PEG3: variants seen among roughly 807,000 people sequenced by gnomAD.
PEG3 encodes the protein paternally expressed 3.
Under a neutral mutation model 35.5 loss-of-function variants are expected in PEG3, and 23 were observed. The ratio of observed to expected loss-of-function variants is 0.65; its 90% CI spans 0.47 to 0.92. The LOEUF (loss-of-function observed/expected upper bound fraction) is 0.92. PEG3 is among the 40% of genes least tolerant of loss of function. The pLI, the probability that PEG3 is intolerant of heterozygous loss-of-function variation, is 0.00. For missense variants in PEG3, 1,960 were observed against 1,985.3 expected (o/e 0.99, Z 0.24); for synonymous variants, 707 against 697.0 (o/e 1.01, Z -0.23).
At chr19:56,823,738 C>T (rs2060736432) in intron 4 of PEG3, 59 bp from the exon 5 acceptor site, 1 of 1,587,686 alleles carries the variant, frequency 6.3e-7, no homozygotes, top group African/African-American at 1.3e-5. Context: ...CAATAGTTCC[C>T]CCCAATCCCT....
intron 2 of PEG3, among the ~76,000 whole-genome samples, chr19:56,829,022 A>G (rs1177226743): frequency 6.6e-6 from 1 of 152,192 alleles, no homozygotes; most frequent in Non-Finnish European, 1.5e-5. Flanking sequence ...AAATATAGCC[A>G]AGTAGATAAA....
Position 56,816,945 on chromosome 19 carries a change from C to T in PEG3, c.1497G>A (p.Gln499=), listed in dbSNP as rs780917304. ...TACATTCAAAACGTTTCCCTCCAACCTGACTTTTCTGAACTTCACTGACAG... is the reference window on the plus strand; with the variant it reads ...TACATTCAAAACGTTTCCCTCCAACTTGACTTTTCTGAACTTCACTGACAG... ...SVAVSEVQKS[Q]VGGKRFECKD... The change falls in exon 10 of 10, where the codon CAG becomes CAA. Residue 499 remains glutamine (Q), a synonymous_variant. Coordinates refer to ENST00000326441, the MANE Select transcript of PEG3 (RefSeq NM_006210.3). The T allele has an allele frequency of 3.1e-6, 5 of 1,614,056 alleles. No individual in the cohort carries two copies. The highest frequency in any genetic ancestry group is 4.2e-6 in the Non-Finnish European group (5 of 1,180,050).
At chr19:56,837,827 C>A (rs1055279652) in intron 1 of PEG3, among the ~76,000 whole-genome samples, 1 of 152,228 alleles carries the variant, frequency 6.6e-6, no homozygotes, top group Admixed American at 6.5e-5. Flanking sequence ...CCTCTGCTGC[C>A]CCCGCCACCG....
Position 56,814,148 on chromosome 19 carries a change from G to C in PEG3, c.4294C>G (p.Pro1432Ala). The change falls in exon 10 of 10, where the codon CCC becomes GCC. Residue 1432 changes from proline to alanine, a missense_variant. Transcript: ENST00000326441. The surrounding 1 kb of genome is among the most constrained non-coding windows in gnomAD (Gnocchi z 5.8). ...TTTGGCTGTCCAGCCTCTCCAATGG[G>C]CTCTGCAGCCTCTCCATCTGGCCCT... ...AEGPDGEAAE[P>A]IGEAGQPNGE... The C allele has an allele frequency of 6.2e-7, 1 of 1,614,152 alleles. No individual in the cohort carries two copies. Among genetic ancestry groups the C allele is most frequent in the Non-Finnish European group, 8.5e-7 (1 of 1,180,038 alleles).
At chr19:56,829,297 T>C (rs2061357538) in intron 2 of PEG3, among the ~76,000 whole-genome samples, 1 of 139,626 alleles carries the variant, frequency 7.2e-6, no homozygotes, top group Non-Finnish European at 1.5e-5. Context: ...TGAGCCAAAA[T>C]CGCACCACTG....
chr19:56,822,148 T>C (rs899248420), intron 6 of PEG3, among the ~76,000 whole-genome samples: 7 of 152,226 alleles, frequency 4.6e-5, no homozygotes, highest in South Asian at 4.1e-4. Flanking sequence ...ACAATGCCTA[T>C]TGTGTTGTGA....
Position 56,815,122 on chromosome 19 carries a change from T to C in PEG3, c.3320A>G (p.Tyr1107Cys), listed in dbSNP as rs768369126. 2.0e-5 allele frequency: 32 copies of C among 1,613,900 alleles called. No homozygotes were observed. The highest frequency in any genetic ancestry group is 6.6e-5 in the South Asian group (6 of 91,066). The change falls in exon 10 of 10, where the codon TAT (tyrosine) becomes TGT (cysteine). Residue 1107 changes from tyrosine (Y) to cysteine (C), a missense_variant. By Grantham distance (194) the Tyr-to-Cys change is radical. Transcript: ENST00000326441. ...GCCCAGGCCACAGTCCTCACATTCA[T>C]AGATTTTGTCATCAGGGTCATCCTT... is the stretch of plus-strand genomic sequence containing the variant. ...PQKDDPDDKI[Y>C]ECEDCGLGFV...
intron 2 of PEG3, among the ~76,000 whole-genome samples, chr19:56,830,106 C>A (rs1440656492): frequency 6.6e-6 from 1 of 152,218 alleles, no homozygotes; most frequent in African/African-American, 2.4e-5. Context: ...ATGAATCCAA[C>A]AGAACAACAG....
At chr19:56,833,130 T>A (rs1274165229) in intron 2 of PEG3, 2 of 516,484 alleles carry the variant, frequency 3.9e-6, no homozygotes, top group Non-Finnish European at 7.7e-6. Flanking sequence ...GGACCATGTG[T>A]GAGAAGAAAT....
intron 2 of PEG3, among the ~76,000 whole-genome samples, chr19:56,835,130 T>A (rs577418479): frequency 6.6e-6 from 1 of 152,042 alleles, no homozygotes; most frequent in African/African-American, 2.4e-5. Context: ...CAAGCCACCA[T>A]CTCTCACCCA....
At chr19:56,824,917 T>G in intron 3 of PEG3, 176 bp from the exon 4 acceptor site, 1 of 413,664 alleles carries the variant, frequency 2.4e-6, no homozygotes, top group South Asian at 5.1e-5. Context: ...ACCTCTGGGC[T>G]TCACAGAGAC....
rs775110506 is a variant in PEG3, at chr19:56,813,650, G to GT, written c.*24dup. The GT allele has an allele frequency of 1.3e-5, 21 of 1,594,602 alleles. No homozygotes were observed. In the East Asian group the frequency reaches 4.5e-4, roughly 34 times the overall value. On this transcript the variant is annotated 3_prime_UTR_variant, in exon 10 of 10. Coordinates refer to ENST00000326441, the MANE Select transcript of PEG3 (RefSeq NM_006210.3). ...GGTAAGGGTCAAGTCCTAGGTGAAG[G>GT]TTTTCTAACCTTTACCCCATGCCCT...
chr19:56,827,948 G>A (rs2061211540), intron 2 of PEG3, among the ~76,000 whole-genome samples: 1 of 152,200 alleles, frequency 6.6e-6, no homozygotes, highest in Admixed American at 6.5e-5. Context: ...CTAGGGGTCA[G>A]GAAAGGGAGG....
chr19:56,821,861 G>C (rs911078224), intron 6 of PEG3, 107 bp from the exon 7 acceptor site: 1 of 1,199,858 alleles, frequency 8.3e-7, no homozygotes, highest in South Asian at 1.3e-5. Context: ...GTGTATGAGA[G>C]CAAGTGCCTT....
intron 2 of PEG3, among the ~76,000 whole-genome samples, chr19:56,826,949 A>G (rs537850759): frequency 6.6e-6 from 1 of 152,346 alleles, no homozygotes; most frequent in Admixed American, 6.5e-5. Flanking sequence ...GGTGAAAGCT[A>G]TATATCAGAA....
rs2048045008 is a variant in PEG3, at chr19:56,810,405, T to G, written c.*3270A>C. On this transcript the variant is annotated 3_prime_UTR_variant, in exon 10 of 10. Coordinates refer to ENST00000326441, the MANE Select transcript of PEG3 (RefSeq NM_006210.3). Reference sequence around the variant, plus strand: ...AACAACCACACAACTATTTCTTGTTTTTCATCTTTCTTCCCATCTTTGACA... The same window carrying G: ...AACAACCACACAACTATTTCTTGTTGTTCATCTTTCTTCCCATCTTTGACA... 1.0e-6 allele frequency: 1 copy of G among 985,320 alleles called. No homozygotes were observed. Among genetic ancestry groups the G allele is most frequent in the Non-Finnish European group, 1.2e-6 (1 of 829,838 alleles). 61.0% of individuals were successfully genotyped at this position (985,320 alleles called of 1,614,324 possible).
In PEG3 at chr19:56,813,516, TC is replaced by T. The variant is rs2059684907; in HGVS notation, c.*158del. The T allele has an allele frequency of 2.7e-5, 39 of 1,432,966 alleles. 2 individuals are homozygous for T. In the South Asian group the frequency reaches 5.9e-4, roughly 22 times the overall value. 88.8% of individuals were successfully genotyped at this position (1,432,966 alleles called of 1,614,324 possible). ...GCTTAAGACTGTGGAATCTGCACAT[TC>T]GGTCTCTTTTCAATCTGAGTTTAGA... On this transcript the variant is annotated 3_prime_UTR_variant, in exon 10 of 10. Transcript: ENST00000326441.
At chr19:56,824,932 T>A (rs1336057953) in intron 3 of PEG3, 191 bp from the exon 4 acceptor site, 1 of 362,672 alleles carries the variant, frequency 2.8e-6, no homozygotes, top group African/African-American at 2.0e-5. Flanking sequence ...AGAGACCTAC[T>A]CGAGGAGTTA....
rs750018388 is a variant in PEG3 at position 56,821,756 on chromosome 19, TG to T, written c.566-3del. ...GGGAAAGATCCCGCGGAGGCATCCCTGGGAAGAAAAAAGGCATCAACAAGAA... is the reference window on the plus strand; with the variant it reads ...GGGAAAGATCCCGCGGAGGCATCCCTGGAAGAAAAAAGGCATCAACAAGAA... On this transcript the variant is annotated splice_polypyrimidine_tract_variant and splice_region_variant and intron_variant, in intron 6 of 9. Coordinates refer to ENST00000326441, the MANE Select transcript of PEG3 (RefSeq NM_006210.3). The T allele has an allele frequency of 2.3e-4, 366 of 1,613,736 alleles. No individual in the cohort carries two copies. Among genetic ancestry groups the T allele is most frequent in the Non-Finnish European group, 2.8e-4 (332 of 1,179,980 alleles).
Sources: gnomAD v4.1 joint callset for allele counts (sites outside exome capture counted in the v4.1 genomes callset) on GRCh38, gnomAD v4.1.1 for gene constraint, Gnocchi (gnomAD v3.1) non-coding constraint, MANE v1.5 for transcripts, NCBI Gene and HGNC (gene_info 2026-07-23, HGNC 2026-07-21) for gene names.